Variants in GRIK4 observed in about 807,000 individuals in gnomAD.
GRIK4 encodes the protein glutamate receptor ionotropic, kainate 4.
In GRIK4, 40 loss-of-function variants were observed where a neutral mutation model predicts 104.9. The observed-to-expected ratio is 0.38, with a 90% confidence interval of 0.30 to 0.50. The LOEUF (loss-of-function observed/expected upper bound fraction) is 0.50. GRIK4 is among the 20% of genes least tolerant of loss of function. The probability of loss-of-function intolerance (pLI) is 0.93; values close to 1 mark genes in which losing one functional copy is unlikely to be tolerated. For synonymous variants in GRIK4, 485 were observed against 524.9 expected, an observed-to-expected ratio of 0.92 and a Z score of 1.04; for missense variants, 1,047 against 1,308.1, an observed-to-expected ratio of 0.80 and a Z score of 3.08.
chr11:120,985,925 G>T lies in GRIK4; in HGVS notation c.2536G>T (p.Val846Leu), dbSNP rs772083937. 9.7e-6 allele frequency: 15 copies of T among 1,551,430 alleles called. No individual in the cohort carries two copies. The highest frequency in any genetic ancestry group is 1.4e-5 in the African/African-American group (1 of 72,856). ...ATEVSVCQEM[V>L]TELRSIILCQ... ...CCAGGTGTCCGTCTGCCAGGAGATG[G>T]TGACCGAGCTGCGCAGCATTATCCT... The change falls in exon 21 of 21, where the codon GTG becomes TTG. Residue 846 changes from valine (V) to leucine (L), a missense_variant. Val to Leu is a conservative substitution (Grantham distance 32, BLOSUM62 1). Transcript: ENST00000527524.
chr11:120,891,891 A>G (rs984932582), intron 11 of GRIK4, among the ~76,000 whole-genome samples: 1 of 152,184 alleles, frequency 6.6e-6, no homozygotes, highest in Non-Finnish European at 1.5e-5. Context: ...ATTTTTTTCT[A>G]TGAAGGTCCA....
chr11:120,712,634 A>C (rs185066553), intron 3 of GRIK4, among the ~76,000 whole-genome samples: 236 of 152,136 alleles, frequency 1.6e-3, no homozygotes, highest in Non-Finnish European at 2.5e-3. Flanking sequence ...AAAAAAAAAA[A>C]AAAAAACTTC....
intron 13 of GRIK4, among the ~76,000 whole-genome samples, chr11:120,923,404 ATTTTTTT>A (rs775194642): frequency 1.3e-4 from 11 of 81,646 alleles, no homozygotes; most frequent in Non-Finnish European, 2.4e-4. Flanking sequence ...CCATTTGCTC[ATTTTTTT>A]TTTTTTTTTT....
At chr11:120,640,054 AG>A (rs1029804933) in intron 1 of GRIK4, among the ~76,000 whole-genome samples, 1 of 152,150 alleles carries the variant, frequency 6.6e-6, no homozygotes, top group East Asian at 1.9e-4. Flanking sequence ...GTTGCCAGAA[AG>A]GGGTCTTGAT....
At chr11:120,834,256 CTT>C (rs1383835291) in intron 7 of GRIK4, among the ~76,000 whole-genome samples, 1 of 129,080 alleles carries the variant, frequency 7.7e-6, no homozygotes, top group African/African-American at 3.0e-5. Flanking sequence ...ATTAAAAACA[CTT>C]TATAGGTGTG....
At chr11:120,583,608 TA>T (rs888016153) in intron 1 of GRIK4, among the ~76,000 whole-genome samples, 1 of 152,252 alleles carries the variant, frequency 6.6e-6, no homozygotes, top group Non-Finnish European at 1.5e-5. Context: ...CTGTTTTGTT[TA>T]CTGTAACCAT....
At chr11:120,557,832 C>T (rs577298952) in intron 1 of GRIK4, among the ~76,000 whole-genome samples, 181 of 151,552 alleles carry the variant, frequency 1.2e-3, no homozygotes, top group African/African-American at 3.8e-3. Flanking sequence ...TTGGCTAACA[C>T]GGTGAAACTC....
intron 14 of GRIK4, among the ~76,000 whole-genome samples, chr11:120,944,396 G>A (rs1316797629): frequency 1.3e-5 from 2 of 152,054 alleles, no homozygotes; most frequent in African/African-American, 2.4e-5. Context: ...ATCTCCATCT[G>A]GACGTCTCAC....
At chr11:120,805,761 A>G (rs982562987) in intron 4 of GRIK4, among the ~76,000 whole-genome samples, 2 of 152,180 alleles carry the variant, frequency 1.3e-5, no homozygotes, top group Non-Finnish European at 2.9e-5. Flanking sequence ...GTAAGGGGGC[A>G]GGTGGGTTGT....
chr11:120,662,824 C>T (rs1485439337), intron 3 of GRIK4, among the ~76,000 whole-genome samples: 3 of 152,086 alleles, frequency 2.0e-5, no homozygotes, highest in Non-Finnish European at 4.4e-5. Context: ...AGATAAATCG[C>T]CCTGTTTGCT....
Position 120,956,264 on chromosome 11 carries a change from G to A in GRIK4, c.1701-516G>A, listed in dbSNP as rs2134708513. 6.6e-6 allele frequency among the ~76,000 whole-genome samples: 1 copy of A among 151,792 alleles called. No individual in the cohort carries two copies. Among genetic ancestry groups the A allele is most frequent in the East Asian group, 1.9e-4 (1 of 5,166 alleles). On this transcript the variant is annotated intron_variant, in intron 15 of 20. Transcript: ENST00000527524. This position sits in a 1 kb window ranked among gnomAD's most constrained non-coding sequence, Gnocchi z 4.6. ...TTGTCCAGGCTGGAGTACAGTGGTGGGATCTTGGCTCACTGCAGCCTTTAC... is the reference window on the plus strand; with the variant it reads ...TTGTCCAGGCTGGAGTACAGTGGTGAGATCTTGGCTCACTGCAGCCTTTAC...
intron 19 of GRIK4, among the ~76,000 whole-genome samples, chr11:120,980,778 A>T (rs1425131760): frequency 6.6e-6 from 1 of 152,198 alleles, no homozygotes; most frequent in Non-Finnish European, 1.5e-5. Flanking sequence ...TGTGTTCATC[A>T]TGTGAGTCCT....
intron 13 of GRIK4, among the ~76,000 whole-genome samples, chr11:120,910,684 G>A (rs928521923): frequency 3.3e-5 from 5 of 152,186 alleles, no homozygotes; most frequent in Non-Finnish European, 7.3e-5. Context: ...AACAGTTTTG[G>A]TGAAACTGTT....
At chr11:120,802,924 T>C in intron 4 of GRIK4, 67 bp downstream of exon 4, 1 of 1,361,772 alleles carries the variant, frequency 7.3e-7, no homozygotes. Flanking sequence ...TGGTGTGAGC[T>C]GCACCTATCA....
chr11:120,943,652 A>C (rs1287153392), intron 14 of GRIK4, among the ~76,000 whole-genome samples: 1 of 152,200 alleles, frequency 6.6e-6, no homozygotes, highest in Non-Finnish European at 1.5e-5. Flanking sequence ...TGTGAGCAAA[A>C]ATATGGGTAA....
intron 3 of GRIK4, among the ~76,000 whole-genome samples, chr11:120,705,426 A>AT (rs1950613704): frequency 6.6e-6 from 1 of 152,032 alleles, no homozygotes. Context: ...AGGTTTCACC[A>AT]TGTTGGCCAG....
chr11:120,977,124 G>A (rs1361095465), intron 19 of GRIK4, among the ~76,000 whole-genome samples: 3 of 152,222 alleles, frequency 2.0e-5, no homozygotes, highest in African/African-American at 4.8e-5. Flanking sequence ...ATCTGCGGGT[G>A]ACACCAAAGT....
chr11:120,950,881 T>C (rs1943984060), intron 14 of GRIK4, among the ~76,000 whole-genome samples: 1 of 152,218 alleles, frequency 6.6e-6, no homozygotes, highest in African/African-American at 2.4e-5. Flanking sequence ...ATTTCCTCAT[T>C]CTTCTCCTGT....
intron 19 of GRIK4, among the ~76,000 whole-genome samples, chr11:120,981,199 A>G (rs1944646299): frequency 6.6e-6 from 1 of 152,230 alleles, no homozygotes; most frequent in Non-Finnish European, 1.5e-5. Context: ...TGCCAAAAAT[A>G]AAAAGCATTT....
Sources: allele counts gnomAD v4.1 joint callset (sites outside exome capture counted in the v4.1 genomes callset), GRCh38; gene constraint gnomAD v4.1.1; non-coding constraint Gnocchi (gnomAD v3.1); transcripts MANE v1.5; gene names NCBI Gene and HGNC (gene_info 2026-07-23, HGNC 2026-07-21).